Variants in HIVEP3 observed in about 807,000 individuals in gnomAD.
The protein encoded by HIVEP3 is transcription factor HIVEP3.
A neutral mutation model predicts 152.8 loss-of-function variants in HIVEP3; 49 were observed. That is an observed-to-expected ratio of 0.32 (90% CI 0.26 to 0.41). HIVEP3 has a LOEUF of 0.41. Ranked by LOEUF, HIVEP3 falls within the 10% of genes least tolerant of loss-of-function variation. The pLI is 1.00. For missense variants in HIVEP3, 2,790 were observed against 3,103.3 expected (o/e 0.90, Z 2.40); for synonymous variants, 1,269 against 1,289.0 (o/e 0.98, Z 0.33).
chr1:41,649,595 T>C (rs1377200397), intron 2 of HIVEP3, among the ~76,000 whole-genome samples: 1 of 152,126 alleles, frequency 6.6e-6, no homozygotes, highest in Non-Finnish European at 1.5e-5. Context: ...GGGAATTGGG[T>C]TGGGGCTTCG....
At chr1:41,980,634 A>G (rs1313971791) in intron 1 of HIVEP3, among the ~76,000 whole-genome samples, 4 of 152,112 alleles carry the variant, frequency 2.6e-5, no homozygotes, top group African/African-American at 7.2e-5. Flanking sequence ...TGGTTGCACG[A>G]CTCTGAAATC....
At chr1:41,962,947 T>A (rs1645176622) in intron 1 of HIVEP3, among the ~76,000 whole-genome samples, 1 of 152,226 alleles carries the variant, frequency 6.6e-6, no homozygotes, top group Non-Finnish European at 1.5e-5. Context: ...CCCTGGCGTC[T>A]ACTAACTAGA....
chr1:41,658,575 A>ACC (rs34006627), intron 2 of HIVEP3, among the ~76,000 whole-genome samples: 54 of 149,088 alleles, frequency 3.6e-4, no homozygotes, highest in Middle Eastern at 3.4e-3. Context: ...TTCTCACTTC[A>ACC]CCCCCCCCAT....
At chr1:41,526,553 T>TCACCCA (rs1642926472) in intron 5 of HIVEP3, among the ~76,000 whole-genome samples, 1 of 42,936 alleles carries the variant, frequency 2.3e-5, no homozygotes. Flanking sequence ...ACACTCACCC[T>TCACCCA]CACCCTCACA....
At chr1:41,824,589 T>C (rs1317197040) in intron 1 of HIVEP3, among the ~76,000 whole-genome samples, 1 of 151,674 alleles carries the variant, frequency 6.6e-6, no homozygotes, top group Admixed American at 6.6e-5. Flanking sequence ...ATCCAAGCTG[T>C]TTGAACAACT....
intron 1 of HIVEP3, among the ~76,000 whole-genome samples, chr1:41,879,368 AT>A (rs1427103567): frequency 6.6e-6 from 1 of 152,204 alleles, no homozygotes; most frequent in Non-Finnish European, 1.5e-5. Context: ...CTCAATCCCT[AT>A]AAGGGTTGGT....
chr1:41,663,623 T>C (rs972509472), intron 2 of HIVEP3, among the ~76,000 whole-genome samples: 1 of 152,044 alleles, frequency 6.6e-6, no homozygotes, highest in African/African-American at 2.4e-5. Context: ...TCAGAGCAAA[T>C]AGACTCCTCC....
At chr1:41,845,526 A>C (rs901664685) in intron 1 of HIVEP3, among the ~76,000 whole-genome samples, 1 of 152,060 alleles carries the variant, frequency 6.6e-6, no homozygotes, top group African/African-American at 2.4e-5. Flanking sequence ...CAACAGGGAT[A>C]GTTTAGGTTA....
intron 7 of HIVEP3, among the ~76,000 whole-genome samples, chr1:41,516,591 C>A (rs1007270742): frequency 6.6e-6 from 1 of 152,230 alleles, no homozygotes; most frequent in African/African-American, 2.4e-5. Context: ...CCGTGCTCCC[C>A]GCGCCCACGG....
At chr1:41,924,912 G>T (rs1644960308) in intron 1 of HIVEP3, among the ~76,000 whole-genome samples, 1 of 152,160 alleles carries the variant, frequency 6.6e-6, no homozygotes, top group African/African-American at 2.4e-5. Flanking sequence ...TAGGCTAAAA[G>T]TAACCAATGC....
chr1:41,607,778 G>A (rs1456508070), intron 3 of HIVEP3, among the ~76,000 whole-genome samples: 2 of 152,160 alleles, frequency 1.3e-5, no homozygotes, highest in African/African-American at 2.4e-5. Flanking sequence ...TGGCTTAGAC[G>A]AGACAGTTTA....
rs762301632 is a variant in HIVEP3 at position 41,584,539 on chromosome 1, C to T, written c.259G>A (p.Glu87Lys). The change falls in exon 4 of 9, where the codon GAA (glutamate) becomes AAA (lysine). Residue 87 changes from glutamate to lysine, a missense_variant. This residue lies in a region of HIVEP3 where 209 missense variants were observed against 237.0 expected (regional missense o/e 0.88). Transcript: ENST00000372583. This position sits in a 1 kb window ranked among gnomAD's most constrained non-coding sequence, Gnocchi z 5.2. Reference sequence around the variant, plus strand: ...AGCTGTGAGATGTGGACGGATGCTTCGATGGGGGGCCTTTTGGGGGGCTTC... The same window carrying T: ...AGCTGTGAGATGTGGACGGATGCTTTGATGGGGGGCCTTTTGGGGGGCTTC... ...QQKPPKRPPI[E>K]ASVHISQLPQ... 5.6e-6 allele frequency: 9 copies of T among 1,613,882 alleles called. No individual in the cohort carries two copies. Among genetic ancestry groups the T allele is most frequent in the African/African-American group, 4.0e-5 (3 of 74,854 alleles).
intron 2 of HIVEP3, among the ~76,000 whole-genome samples, chr1:41,678,238 T>C (rs1645986051): frequency 6.6e-6 from 1 of 152,218 alleles, no homozygotes; most frequent in Non-Finnish European, 1.5e-5. Context: ...CGCTGGGACC[T>C]GGATGCTCCG....
At chr1:41,646,293 G>C (rs1645458180) in intron 2 of HIVEP3, among the ~76,000 whole-genome samples, 1 of 152,212 alleles carries the variant, frequency 6.6e-6, no homozygotes, top group African/African-American at 2.4e-5. Context: ...AAGTTACCAA[G>C]TGTCAGGGCC....
intron 1 of HIVEP3, among the ~76,000 whole-genome samples, chr1:41,727,707 G>A (rs1035045309): frequency 6.6e-5 from 10 of 152,164 alleles, no homozygotes; most frequent in African/African-American, 2.2e-4. Context: ...GAGGCAGCCC[G>A]GGTGACTTTG....
At chr1:41,894,045 T>C (rs1479961775) in intron 1 of HIVEP3, among the ~76,000 whole-genome samples, 1 of 151,726 alleles carries the variant, frequency 6.6e-6, no homozygotes, top group Non-Finnish European at 1.5e-5. Context: ...CTCAACCTCC[T>C]GAGTAGCTAG....
In HIVEP3 at chr1:41,580,864, C is replaced by G; in HGVS notation, c.3934G>C (p.Asp1312His). 6.2e-7 allele frequency: 1 copy of G among 1,604,476 alleles called. No homozygotes were observed. Among genetic ancestry groups the G allele is most frequent in the Non-Finnish European group, 8.5e-7 (1 of 1,175,776 alleles). ...APPLALPACPDTMVSLVVPVR... is the reference protein window; with the variant it reads ...APPLALPACPHTMVSLVVPVR... Reference sequence around the variant, plus strand: ...GGCACAACCAGGGACACCATGGTGTCTGGACAGGCAGGCAGGGCCAGTGGA... The same window carrying G: ...GGCACAACCAGGGACACCATGGTGTGTGGACAGGCAGGCAGGGCCAGTGGA... The change falls in exon 4 of 9, where the codon GAC becomes CAC. Residue 1312 changes from aspartate to histidine, a missense_variant. Transcript: ENST00000372583.
chr1:41,690,867 G>A (rs963654929), intron 2 of HIVEP3, among the ~76,000 whole-genome samples: 15 of 152,144 alleles, frequency 9.9e-5, no homozygotes, highest in African/African-American at 2.7e-4. Context: ...GCAATGAGCC[G>A]AGATCGCTCC....
intron 1 of HIVEP3, among the ~76,000 whole-genome samples, chr1:41,846,101 C>T (rs933235250): frequency 2.0e-5 from 3 of 152,018 alleles, no homozygotes; most frequent in African/African-American, 7.2e-5. Flanking sequence ...CTGGAAAAAC[C>T]AACGCACGAA....
Sources: gnomAD v4.1 joint callset for allele counts (sites outside exome capture counted in the v4.1 genomes callset) on GRCh38, gnomAD v4.1.1 for gene constraint, gnomAD v4.1.1 regional missense constraint, Gnocchi (gnomAD v3.1) non-coding constraint, MANE v1.5 for transcripts, NCBI Gene and HGNC (gene_info 2026-07-23, HGNC 2026-07-21) for gene names.